Variants in AGBL1 observed in about 807,000 individuals in gnomAD.
AGBL1 encodes cytosolic carboxypeptidase 4.
Under a neutral mutation model 118.9 loss-of-function variants are expected in AGBL1, and 130 were observed. The ratio of observed to expected loss-of-function variants is 1.09; its 90% confidence interval spans 0.95 to 1.26. The LOEUF is 1.26. AGBL1 is among the 50% of genes most tolerant of loss of function. AGBL1 has a pLI of 0.00. For synonymous variants in AGBL1, 555 were observed against 478.9 expected (o/e 1.16, Z -2.08); for missense variants, 1,584 against 1,298.1 (o/e 1.22, Z -3.38).
intron 23 of AGBL1, among the ~76,000 whole-genome samples, chr15:86,955,741 G>A (rs138863321): frequency 2.0e-5 from 3 of 151,944 alleles, no homozygotes; most frequent in African/African-American, 4.8e-5. Flanking sequence ...ATTAACAACC[G>A]GATTATGAAG....
intron 22 of AGBL1, among the ~76,000 whole-genome samples, chr15:86,736,706 G>A (rs1206631131): frequency 6.6e-6 from 1 of 152,044 alleles, no homozygotes; most frequent in East Asian, 1.9e-4. Context: ...ATGTAAAATT[G>A]GGCATAGTCT....
At chr15:86,675,678 G>A (rs531503055) in intron 22 of AGBL1, among the ~76,000 whole-genome samples, 23 of 152,202 alleles carry the variant, frequency 1.5e-4, no homozygotes, top group African/African-American at 1.2e-4. Context: ...GACAGCAAGC[G>A]CTTCCACCTG....
intron 22 of AGBL1, among the ~76,000 whole-genome samples, chr15:86,769,794 G>T (rs761878247): frequency 1.3e-5 from 2 of 151,970 alleles, no homozygotes; most frequent in Non-Finnish European, 1.5e-5. Flanking sequence ...TTAGAGACAT[G>T]TTTGGGATGA....
At chr15:86,599,432 CT>C (rs1295979632) in intron 21 of AGBL1, among the ~76,000 whole-genome samples, 3 of 151,894 alleles carry the variant, frequency 2.0e-5, no homozygotes, top group Non-Finnish European at 4.4e-5. Context: ...CTTTTTCTTC[CT>C]GGTCTCAATC....
intron 5 of AGBL1, among the ~76,000 whole-genome samples, chr15:86,189,993 G>A (rs1284797860): frequency 2.0e-5 from 3 of 152,136 alleles, no homozygotes; most frequent in Non-Finnish European, 4.4e-5. Flanking sequence ...ATAAAAGAAG[G>A]ATGTCCTAAA....
intron 17 of AGBL1, among the ~76,000 whole-genome samples, chr15:86,297,847 G>C (rs1249714085): frequency 2.0e-5 from 3 of 152,010 alleles, no homozygotes; most frequent in Non-Finnish European, 2.9e-5. Flanking sequence ...CAACAAACGT[G>C]CTGACTCCTT....
intron 7 of AGBL1, among the ~76,000 whole-genome samples, chr15:86,250,718 C>T (rs1402477820): frequency 1.3e-5 from 2 of 152,118 alleles, no homozygotes; most frequent in East Asian, 1.9e-4. Context: ...CTCTTCCCCC[C>T]GGCAGTCATA....
At chr15:86,903,121 G>GT (rs998965110) in intron 22 of AGBL1, among the ~76,000 whole-genome samples, 12 of 151,696 alleles carry the variant, frequency 7.9e-5, no homozygotes, top group Admixed American at 2.0e-4. Context: ...TTCAGACTGG[G>GT]TTTTTTCTAT....
chr15:86,336,035 G>A (rs1338356291), intron 17 of AGBL1, among the ~76,000 whole-genome samples: 2 of 152,334 alleles, frequency 1.3e-5, no homozygotes, highest in Middle Eastern at 3.4e-3. Flanking sequence ...TAGACACAAA[G>A]ATGAGAGAAA....
chr15:86,298,263 A>ATATATATATGGTAAC (rs1567185691), intron 17 of AGBL1, among the ~76,000 whole-genome samples: 1 of 80,198 alleles, frequency 1.2e-5, no homozygotes, highest in Middle Eastern at 5.7e-3. Flanking sequence ...ATATATATAT[A>ATATATATATGGTAAC]TATATATATA....
intron 22 of AGBL1, among the ~76,000 whole-genome samples, chr15:86,826,449 A>G (rs983623787): frequency 3.3e-5 from 5 of 152,082 alleles, no homozygotes; most frequent in Non-Finnish European, 7.4e-5. Context: ...ATCTGATAAT[A>G]TTTTCTTAGA....
At chr15:86,766,119 C>T (rs2078093801) in intron 22 of AGBL1, among the ~76,000 whole-genome samples, 1 of 151,916 alleles carries the variant, frequency 6.6e-6, no homozygotes, top group Non-Finnish European at 1.5e-5. Flanking sequence ...AGATAGGTTA[C>T]AGTGGTGTCC....
chr15:86,528,272 A>T (rs1430219501), intron 19 of AGBL1, among the ~76,000 whole-genome samples: 1 of 152,216 alleles, frequency 6.6e-6, no homozygotes, highest in Non-Finnish European at 1.5e-5. Flanking sequence ...GAACCGAAGC[A>T]GGGCGAGGCA....
chr15:86,190,937 T>C (rs2077709280), intron 5 of AGBL1, among the ~76,000 whole-genome samples: 1 of 152,096 alleles, frequency 6.6e-6, no homozygotes, highest in African/African-American at 2.4e-5. Flanking sequence ...TACAACTGCT[T>C]TGCAGTGTAG....
chr15:86,780,955 A>C lies in AGBL1; in HGVS notation c.3158+106519A>C, dbSNP rs993975577. 4.2e-4 allele frequency among the ~76,000 whole-genome samples: 64 copies of C among 152,196 alleles called. 1 individual carries two copies. Among genetic ancestry groups the C allele is most frequent in the Admixed American group, 3.9e-3 (59 of 15,288 alleles). Reference sequence around the variant, plus strand: ...AGTGCTAGGATTACAGGCATGAGCCACTGCACCTGGAATTTAACTTCTTTT... The same window carrying C: ...AGTGCTAGGATTACAGGCATGAGCCCCTGCACCTGGAATTTAACTTCTTTT... On this transcript the variant is annotated intron_variant, in intron 22 of 22. Transcript: ENST00000614907.
At chr15:87,001,661 T>C (rs1389790931) in intron 24 of AGBL1, among the ~76,000 whole-genome samples, 1 of 152,112 alleles carries the variant, frequency 6.6e-6, no homozygotes, top group Non-Finnish European at 1.5e-5. Context: ...GACTTTTTAA[T>C]GATCGCCATT....
chr15:86,536,744 G>A (rs745463866), intron 19 of AGBL1, among the ~76,000 whole-genome samples: 6 of 152,146 alleles, frequency 3.9e-5, no homozygotes, highest in East Asian at 1.9e-4. Context: ...GAGGGTAACC[G>A]CTTAGAAAGC....
intron 23 of AGBL1, among the ~76,000 whole-genome samples, chr15:86,924,583 A>G (rs1195537677): frequency 6.6e-6 from 1 of 152,192 alleles, no homozygotes; most frequent in Non-Finnish European, 1.5e-5. Context: ...TTGGGAGAGA[A>G]AGACGACAGC....
At chr15:86,288,064 G>A (rs901454241) in intron 16 of AGBL1, among the ~76,000 whole-genome samples, 7 of 152,162 alleles carry the variant, frequency 4.6e-5, no homozygotes, top group South Asian at 2.1e-4. Flanking sequence ...TACACACTAC[G>A]GGATATATTT....
Sources: gnomAD v4.1 joint callset for allele counts (sites outside exome capture counted in the v4.1 genomes callset) on GRCh38, gnomAD v4.1.1 for gene constraint, MANE v1.5 for transcripts, NCBI Gene and HGNC (gene_info 2026-07-23, HGNC 2026-07-21) for gene names.